Variants in CTNNA2 observed in about 807,000 individuals in gnomAD.
CTNNA2 encodes the protein catenin alpha 2.
CTNNA2 carries 42 observed loss-of-function variants against 101.0 expected under a neutral mutation model. The observed-to-expected ratio is 0.42, with a 90% CI of 0.32 to 0.54. CTNNA2 has a LOEUF of 0.54. Among genes scored for constraint, CTNNA2 ranks in the 20% least tolerant of loss-of-function variants. The probability of loss-of-function intolerance (pLI) is 0.14; values close to 1 mark genes in which losing one functional copy is unlikely to be tolerated. For synonymous variants in CTNNA2, 450 were observed against 456.4 expected (o/e 0.99, Z 0.18); for missense variants, 871 against 1,223.1 (o/e 0.71, Z 4.29).
At chr2:80,250,544 C>G (rs966930940) in intron 7 of CTNNA2, among the ~76,000 whole-genome samples, 1 of 152,026 alleles carries the variant, frequency 6.6e-6, no homozygotes, top group Non-Finnish European at 1.5e-5. Context: ...GAGAAAGGGG[C>G]TCCATTCAAT....
chr2:79,569,350 G>A (rs935058001), intron 1 of CTNNA2, among the ~76,000 whole-genome samples: 1 of 152,084 alleles, frequency 6.6e-6, no homozygotes, highest in Non-Finnish European at 1.5e-5. Flanking sequence ...GAATGCATAC[G>A]GCTATAAGGG....
At chr2:79,466,844 C>T (rs1291839606) in intron 4 of CTNNA2, among the ~76,000 whole-genome samples, 2 of 152,210 alleles carry the variant, frequency 1.3e-5, no homozygotes, top group Non-Finnish European at 2.9e-5. Context: ...AACTAATGAA[C>T]AGAAAGGACA....
intron 7 of CTNNA2, among the ~76,000 whole-genome samples, chr2:80,369,976 A>G (rs879448416): frequency 6.6e-6 from 1 of 152,194 alleles, no homozygotes; most frequent in Non-Finnish European, 1.5e-5. Context: ...TATTTGTGCT[A>G]TCTTAAGCCA....
At chr2:79,894,025 TC>T (rs1202143486) in intron 6 of CTNNA2, among the ~76,000 whole-genome samples, 6 of 143,988 alleles carry the variant, frequency 4.2e-5, no homozygotes, top group Non-Finnish European at 7.5e-5. Flanking sequence ...TTCTTCTTCT[TC>T]TTCTTCTTCT....
intron 7 of CTNNA2, among the ~76,000 whole-genome samples, chr2:80,206,277 T>C (rs1263240061): frequency 6.6e-6 from 1 of 152,230 alleles, no homozygotes; most frequent in Non-Finnish European, 1.5e-5. Context: ...CCAACCCTTA[T>C]GTAAACATCA....
intron 15 of CTNNA2, among the ~76,000 whole-genome samples, chr2:80,593,812 C>G (rs919981013): frequency 1.1e-4 from 17 of 152,238 alleles, no homozygotes; most frequent in Admixed American, 1.3e-4. Context: ...AATGCGTTTC[C>G]TTTTAAAGGT....
intron 4 of CTNNA2, among the ~76,000 whole-genome samples, chr2:79,461,030 C>T (rs184139163): frequency 7.9e-5 from 12 of 151,740 alleles, no homozygotes; most frequent in East Asian, 1.9e-4. Context: ...TTAGTAGAGA[C>T]GAGATTTCAC....
intron 13 of CTNNA2, among the ~76,000 whole-genome samples, chr2:80,575,910 A>G (rs1573330294): frequency 1.3e-5 from 2 of 152,316 alleles, no homozygotes; most frequent in African/African-American, 4.8e-5. Flanking sequence ...TTAGGAGGAG[A>G]GAAATGTACA....
chr2:79,571,632 C>A (rs929250566), intron 1 of CTNNA2, among the ~76,000 whole-genome samples: 6 of 152,072 alleles, frequency 3.9e-5, no homozygotes, highest in African/African-American at 1.4e-4. Flanking sequence ...TCCAAAAACA[C>A]TTTGGTCATA....
chr2:79,339,476 G>A (rs1451033337), intron 3 of CTNNA2: 2 of 152,172 alleles, frequency 1.3e-5, no homozygotes, highest in East Asian at 3.9e-4. Flanking sequence ...CCAGCCAAAA[G>A]TCAAAGTGAA....
intron 4 of CTNNA2, among the ~76,000 whole-genome samples, chr2:79,467,946 A>G (rs424742): frequency 0.69 from 104,154 of 151,958 alleles, 36,469 homozygotes; most frequent in African/African-American, 0.84. Context: ...AAAGACCATC[A>G]ATGCTAAGAA....
rs559837825 is a variant in CTNNA2 at position 79,742,983 on chromosome 2, C to T, written c.103-1404C>T. The stretch of plus-strand genomic sequence containing the variant: ...GTTATCTCTTTCTCTATAAACTGAC[C>T]GGATATTAATTGTGACTTTGAGTCA... On this transcript the variant is annotated intron_variant, in intron 2 of 18. Transcript: ENST00000402739. 3.3e-5 allele frequency among the ~76,000 whole-genome samples: 5 copies of T among 152,066 alleles called. No individual in the cohort carries two copies. The South Asian group carries it at 6.3e-4, about 19-fold the overall frequency.
intron 1 of CTNNA2, among the ~76,000 whole-genome samples, chr2:79,623,536 A>G (rs1679120080): frequency 6.6e-6 from 1 of 152,202 alleles, no homozygotes. Flanking sequence ...TGCAATTTGC[A>G]TGAATTTGAT....
intron 1 of CTNNA2, among the ~76,000 whole-genome samples, chr2:79,525,886 TAAC>T (rs1476564978): frequency 2.0e-5 from 3 of 152,044 alleles, no homozygotes; most frequent in Admixed American, 2.0e-4. Context: ...AACTCTCAGT[TAAC>T]AACATATAGC....
chr2:79,338,575 ATCATCTTCTTCTTCTTCTTCTTCTTCT>A lies in CTNNA2; in HGVS notation c.-318+25782_-318+25808del, dbSNP rs1417360203. ...ATTTTTCTTCTTCTTCTTCCTCCTC[ATCATCTTCTTCTTCTTCTTCTTCTTCT>A]TCTTCTTCTTCTTCTTCTTCTTCTT... On this transcript the variant is annotated intron_variant, in intron 3 of 21. Transcript: ENST00000466387. Among the ~76,000 whole-genome samples, 174 of 115,520 alleles carry A rather than the reference ATCATCTTCTTCTTCTTCTTCTTCTTCT, an allele frequency of 1.5e-3. 1 individual carries two copies. Among genetic ancestry groups the A allele is most frequent in the African/African-American group, 4.5e-3 (132 of 29,448 alleles). 75.8% of individuals were successfully genotyped at this position (115,520 alleles called of 152,430 possible). A position where few individuals can be genotyped will look rare whatever the true frequency, so the allele number is the denominator to read the frequency against.
At chr2:80,112,407 A>C (rs1399458524) in intron 7 of CTNNA2, among the ~76,000 whole-genome samples, 4 of 152,234 alleles carry the variant, frequency 2.6e-5, no homozygotes, top group Non-Finnish European at 4.4e-5. Flanking sequence ...CCTTTCATAG[A>C]AAAAGATTTA....
At chr2:80,643,684 T>G (rs1322046876) in intron 18 of CTNNA2, among the ~76,000 whole-genome samples, 1 of 152,084 alleles carries the variant, frequency 6.6e-6, no homozygotes, top group African/African-American at 2.4e-5. Flanking sequence ...CTGGACCAGG[T>G]AAAGGATTAG....
chr2:80,137,385 G>A (rs987957669), intron 7 of CTNNA2, among the ~76,000 whole-genome samples: 5 of 152,108 alleles, frequency 3.3e-5, no homozygotes, highest in Non-Finnish European at 4.4e-5. Flanking sequence ...TCATGAAGTG[G>A]TGAGTTCCCT....
intron 2 of CTNNA2, among the ~76,000 whole-genome samples, chr2:79,722,388 G>C (rs13012953): frequency 0.2 from 29,968 of 152,132 alleles, 3,156 homozygotes; most frequent in Middle Eastern, 0.27. Flanking sequence ...TCTAAGGAAG[G>C]GATGAACTTG....
Sources: gnomAD v4.1 joint callset for allele counts (sites outside exome capture counted in the v4.1 genomes callset) on GRCh38, gnomAD v4.1.1 for gene constraint, MANE v1.5 for transcripts, NCBI Gene and HGNC (gene_info 2026-07-23, HGNC 2026-07-21) for gene names.